The following DYM variants were observed in gnomAD, a reference collection of about 807,000 sequenced individuals.
The protein encoded by DYM is dyggve-Melchior-Clausen syndrome protein.
Under a neutral mutation model 93.1 loss-of-function variants are expected in DYM, and 78 were observed. The ratio of observed to expected loss-of-function variants is 0.84; its 90% CI spans 0.70 to 1.01. DYM has a LOEUF of 1.01. DYM is among the 50% of genes least tolerant of loss of function. The pLI, the probability that DYM is intolerant of heterozygous loss-of-function variation, is 0.00. For synonymous variants in DYM, 321 were observed against 319.7 expected (o/e 1.00, Z -0.04); for missense variants, 789 against 845.0 (o/e 0.93, Z 0.82).
At chr18:49,051,317 C>A (rs755456260) in intron 17 of DYM, among the ~76,000 whole-genome samples, 1 of 152,214 alleles carries the variant, frequency 6.6e-6, no homozygotes, top group East Asian at 1.9e-4. Context: ...GGACAGGAGG[C>A]CTTGGCTCTG....
intron 8 of DYM, among the ~76,000 whole-genome samples, chr18:49,310,473 G>C (rs1211982335): frequency 6.6e-6 from 1 of 152,030 alleles, no homozygotes; most frequent in Non-Finnish European, 1.5e-5. Context: ...TTACATACCT[G>C]AAGTATGACC....
intron 15 of DYM, among the ~76,000 whole-genome samples, chr18:49,150,784 G>A (rs1398164017): frequency 1.3e-5 from 2 of 152,172 alleles, no homozygotes; most frequent in African/African-American, 4.8e-5. Context: ...CAAGCATGAT[G>A]CAAATTTAAG....
chr18:49,074,722 C>T (rs932717197), intron 17 of DYM, among the ~76,000 whole-genome samples: 10 of 152,152 alleles, frequency 6.6e-5, no homozygotes, highest in East Asian at 1.9e-4. Flanking sequence ...CCGAGTTTAA[C>T]GGCCAAAAGC....
At chr18:49,150,484 CACAT>C in intron 15 of DYM, among the ~76,000 whole-genome samples, 1 of 152,202 alleles carries the variant, frequency 6.6e-6, no homozygotes, top group Non-Finnish European at 1.5e-5. Flanking sequence ...CATGTGAGCA[CACAT>C]TGAGAAGGTG....
intron 2 of DYM, among the ~76,000 whole-genome samples, chr18:49,398,913 A>G (rs563114669): frequency 1.3e-5 from 2 of 152,380 alleles, no homozygotes; most frequent in African/African-American, 2.4e-5. Context: ...AAAAAGCTTT[A>G]TGAAATTAAT....
intron 6 of DYM, among the ~76,000 whole-genome samples, chr18:49,339,942 T>C (rs1184164773): frequency 6.8e-6 from 1 of 147,422 alleles, no homozygotes; most frequent in Admixed American, 6.6e-5. Flanking sequence ...TGGGGTTTTT[T>C]GTTTGTTTGT....
At chr18:49,261,673 T>C (rs1180063210) in intron 11 of DYM, among the ~76,000 whole-genome samples, 5 of 152,174 alleles carry the variant, frequency 3.3e-5, no homozygotes, top group Admixed American at 6.5e-5. Flanking sequence ...TTATATATGA[T>C]AGAGTATTAT....
intron 2 of DYM, among the ~76,000 whole-genome samples, chr18:49,425,865 A>G (rs1486245428): frequency 1.3e-5 from 2 of 152,150 alleles, no homozygotes; most frequent in Non-Finnish European, 2.9e-5. Flanking sequence ...CACACCAGTT[A>G]GAATGGCGAT....
In DYM at chr18:49,331,946, C is replaced by T; in HGVS notation, c.681G>A (p.Lys227=). 3 of 1,613,980 alleles carry T rather than the reference C, an allele frequency of 1.9e-6. No homozygotes were observed. The highest frequency in any genetic ancestry group is 1.1e-5 in the South Asian group (1 of 91,086). The change falls in exon 8 of 18, where the codon AAG becomes AAA. Residue 227 remains lysine, a synonymous_variant. Coordinates refer to ENST00000675505, the MANE Select transcript of DYM (RefSeq NM_001353214.3). ...TLLYNFIRQE[K]PPPPGAHVFP... is the part of the protein sequence containing the mutation. The stretch of plus-strand genomic sequence containing the variant: ...AAACATGGGCCCCTGGAGGAGGTGG[C>T]TTTTCTTGTCTGATAAAGTTATATA...
intron 3 of DYM, among the ~76,000 whole-genome samples, chr18:49,385,627 G>A (rs2068531624): frequency 1.3e-5 from 2 of 152,016 alleles, no homozygotes; most frequent in African/African-American, 4.8e-5. Context: ...CCCAGGAGGT[G>A]GAGGTTGCAG....
chr18:49,060,012 C>T (rs1293777770), intron 17 of DYM, among the ~76,000 whole-genome samples: 1 of 152,056 alleles, frequency 6.6e-6, no homozygotes, highest in African/African-American at 2.4e-5. Context: ...ACCATAAAAG[C>T]ATTTAATAAA....
At chr18:49,189,756 G>C (rs1407213217) in intron 14 of DYM, among the ~76,000 whole-genome samples, 1 of 152,084 alleles carries the variant, frequency 6.6e-6, no homozygotes, top group Non-Finnish European at 1.5e-5. Context: ...AAGCCACAGG[G>C]AAAAGGAGAG....
intron 6 of DYM, among the ~76,000 whole-genome samples, chr18:49,345,218 G>C (rs1226602533): frequency 6.6e-6 from 1 of 151,936 alleles, no homozygotes; most frequent in Non-Finnish European, 1.5e-5. Context: ...AAGAGAAGGG[G>C]GAAAAAATGC....
intron 15 of DYM, among the ~76,000 whole-genome samples, chr18:49,155,754 AGTATCTCACATG>A (rs1356273762): frequency 2.0e-5 from 3 of 152,228 alleles, no homozygotes; most frequent in Non-Finnish European, 4.4e-5. Flanking sequence ...AAGGGCTAGT[AGTATCTCACATG>A]GTATCTCACA....
chr18:49,040,775 G>A lies in DYM; in HGVS notation c.*3280C>T, dbSNP rs1033084540. Among the ~76,000 whole-genome samples the A allele has an allele frequency of 1.3e-4, 20 of 152,200 alleles. No individual in the cohort carries two copies. The highest frequency in any genetic ancestry group is 4.8e-4 in the African/African-American group (20 of 41,458). ...ATTTATGGCTCTGCAAAAAAGCACA[G>A]GGTGACTCAATTATGCAGAGAGCTC... On this transcript the variant is annotated 3_prime_UTR_variant, in exon 18 of 18. Coordinates refer to ENST00000675505, the MANE Select transcript of DYM (RefSeq NM_001353214.3).
intron 14 of DYM, among the ~76,000 whole-genome samples, chr18:49,186,522 C>G (rs755364116): frequency 6.6e-6 from 1 of 152,196 alleles, no homozygotes; most frequent in African/African-American, 2.4e-5. Flanking sequence ...CACCAAAGGT[C>G]TGTCCTCCAA....
intron 13 of DYM, among the ~76,000 whole-genome samples, chr18:49,254,325 T>TACAC (rs1555661313): frequency 4.5e-4 from 63 of 138,570 alleles, no homozygotes; most frequent in African/African-American, 1.5e-3. Flanking sequence ...TATATATATA[T>TACAC]ACACACATAG....
intron 8 of DYM, among the ~76,000 whole-genome samples, chr18:49,294,606 A>G (rs1214162624): frequency 1.3e-5 from 2 of 152,188 alleles, no homozygotes; most frequent in Non-Finnish European, 2.9e-5. Flanking sequence ...AAAAATAATA[A>G]TCAAGGAAAA....
chr18:49,122,332 A>G (rs986067376), intron 15 of DYM, among the ~76,000 whole-genome samples: 2 of 152,196 alleles, frequency 1.3e-5, no homozygotes, highest in African/African-American at 4.8e-5. Flanking sequence ...TCTCACCAAC[A>G]GCAGGTATAC....
Sources: allele counts gnomAD v4.1 joint callset (sites outside exome capture counted in the v4.1 genomes callset), GRCh38; gene constraint gnomAD v4.1.1; transcripts MANE v1.5; gene names NCBI Gene and HGNC (gene_info 2026-07-23, HGNC 2026-07-21).